INCA1: variants seen among roughly 807,000 people sequenced by gnomAD.
INCA1 encodes protein INCA1.
INCA1 carries 28 observed loss-of-function variants against 25.7 expected under a neutral mutation model. The ratio of observed to expected loss-of-function variants is 1.09; its 90% confidence interval spans 0.81 to 1.49. The LOEUF (loss-of-function observed/expected upper bound fraction) is 1.49. Ranked by LOEUF, INCA1 falls within the 40% of genes most tolerant of loss-of-function variation. The pLI, the probability that INCA1 is intolerant of heterozygous loss-of-function variation, is 0.00. For synonymous variants in INCA1, 111 were observed against 103.6 expected, an observed-to-expected ratio of 1.07 and a Z score of -0.43; for missense variants, 309 against 290.9, an observed-to-expected ratio of 1.06 and a Z score of -0.45.
chr17:4,990,123 A>G (rs1973760150), intron 3 of INCA1, 29 bp downstream of exon 3: 2 of 1,613,752 alleles, frequency 1.2e-6, no homozygotes, highest in Non-Finnish European at 1.7e-6. Context: ...GACCACATCC[A>G]GTTAGTTTCC....
At chr17:4,993,767 C>CTTT (rs934109564) in intron 2 of INCA1, among the ~76,000 whole-genome samples, 47 of 97,308 alleles carry the variant, frequency 4.8e-4, no homozygotes, top group African/African-American at 7.6e-4. Context: ...CGTGCCTGGC[C>CTTT]TTTTTTTTTT....
In INCA1 at chr17:4,992,281, G is replaced by A. The variant is rs569087273; in HGVS notation, c.45-2016C>T. The stretch of plus-strand genomic sequence containing the variant: ...TTTTCCACTGAATAAAATCCAAACC[G>A]TTTTTTTTCTTCTTCTTTTTTGAGA... On this transcript the variant is annotated intron_variant, in intron 2 of 6. Transcript: ENST00000576820. Among the ~76,000 whole-genome samples, 8 of 151,922 alleles carry A rather than the reference G, an allele frequency of 5.3e-5. No homozygotes were observed. The South Asian group carries it at 1.3e-3, about 24-fold the overall frequency.
intron 1 of INCA1, among the ~76,000 whole-genome samples, chr17:4,996,538 C>T (rs1450520010): frequency 6.6e-6 from 1 of 151,146 alleles, no homozygotes; most frequent in Non-Finnish European, 1.5e-5. Flanking sequence ...AAAAATTAGC[C>T]GGGTGTGGTG....
chr17:4,990,477 A>G (rs1332689306), intron 2 of INCA1, among the ~76,000 whole-genome samples: 1 of 152,174 alleles, frequency 6.6e-6, no homozygotes, highest in Non-Finnish European at 1.5e-5. Flanking sequence ...GATTGGCTAT[A>G]GTTTGACCCT....
chr17:4,993,856 C>T (rs1974048520), intron 2 of INCA1, among the ~76,000 whole-genome samples: 1 of 150,494 alleles, frequency 6.6e-6, no homozygotes, highest in Non-Finnish European at 1.5e-5. Flanking sequence ...ACTGCAACCC[C>T]TGCCTCCTGG....
Position 4,988,803 on chromosome 17 carries a change from A to AT in INCA1, c.536_537insA (p.Leu181SerfsTer55). 6.2e-7 allele frequency: 1 copy of AT among 1,614,132 alleles called. No individual in the cohort carries two copies. Among genetic ancestry groups the AT allele is most frequent in the Non-Finnish European group, 8.5e-7 (1 of 1,180,008 alleles). On this transcript the variant is annotated frameshift_variant, in exon 6 of 7. Coordinates refer to ENST00000576820, the Ensembl canonical transcript of INCA1. LOFTEE classifies it low-confidence loss of function (END_TRUNC). ...CCTGGGCCCTGCCAGGAGTGAGAAAACGGTCCTCTTCCTGTGGATAGGTTG... is the reference window on the plus strand; with the variant it reads ...CCTGGGCCCTGCCAGGAGTGAGAAAATCGGTCCTCTTCCTGTGGATAGGTTG...
chr17:4,992,438 T>C (rs1973934930), intron 2 of INCA1, among the ~76,000 whole-genome samples: 1 of 151,646 alleles, frequency 6.6e-6, no homozygotes, highest in Non-Finnish European at 1.5e-5. Context: ...TGTGCCACCA[T>C]GCCTGGCTAA....
At chr17:4,992,287 T>C (rs1296488744) in intron 2 of INCA1, among the ~76,000 whole-genome samples, 2 of 152,282 alleles carry the variant, frequency 1.3e-5, no homozygotes, top group East Asian at 1.9e-4. Flanking sequence ...AACCGTTTTT[T>C]TTCTTCTTCT....
chr17:4,993,515 C>G (rs1222313107), intron 2 of INCA1, among the ~76,000 whole-genome samples: 3 of 151,714 alleles, frequency 2.0e-5, no homozygotes. Context: ...GTCACTCAGG[C>G]TGGAGTGCAG....
In INCA1 at chr17:4,989,489, G is replaced by A. The variant is rs148470772; in HGVS notation, c.334C>T (p.Arg112Trp). ...AGGTGGTAAGTGACAGCCCTCACCC[G>A]GGCGGGGACTCCCCCAAGGCCCTGC... Residue 112 changes from arginine (R) to tryptophan (W), a missense_variant, in exon 5 of 7, where the codon CGG (arginine) becomes TGG (tryptophan). Coordinates refer to ENST00000576820, the Ensembl canonical transcript of INCA1. 1,073 of 1,614,166 alleles carry A rather than the reference G, an allele frequency of 6.6e-4. 3 individuals carry two copies. The highest frequency in any genetic ancestry group is 5.9e-3 in the African/African-American group (444 of 75,046).
chr17:4,994,305 T>C, intron 2 of INCA1, 89 bp downstream of exon 2: 1 of 1,233,388 alleles, frequency 8.1e-7, no homozygotes, highest in East Asian at 2.3e-5. Context: ...TTCCCGTTCT[T>C]TATTTCCTAA....
intron 2 of INCA1, 33 bp from the exon 3 acceptor site, chr17:4,990,298 C>T (rs1356666096): frequency 6.3e-7 from 1 of 1,592,308 alleles, no homozygotes; most frequent in Non-Finnish European, 8.5e-7. Flanking sequence ...TCGGGTCTGG[C>T]TCTTCCCTTA....
chr17:4,989,576 G>A (rs1439773250), exon 5 of INCA1: 4 of 1,614,110 alleles, frequency 2.5e-6, no homozygotes, highest in Non-Finnish European at 3.4e-6. Flanking sequence ...TCAGGGGGTG[G>A]GAGCTGCTCA....
At chr17:4,988,583 A>C in intron 6 of INCA1, 29 bp from the exon 7 acceptor site, 1 of 1,608,168 alleles carries the variant, frequency 6.2e-7, no homozygotes, top group Non-Finnish European at 8.5e-7. Context: ...TTGAAAAAGA[A>C]AATGGAAAAG....
chr17:4,996,925 G>C (rs1295114090), intron 1 of INCA1: 1 of 153,138 alleles, frequency 6.5e-6, no homozygotes, highest in Non-Finnish European at 1.5e-5. Flanking sequence ...TGACTCGGAG[G>C]GGGGTCAGCA....
At chr17:4,988,975 G>T in intron 5 of INCA1, 31 bp from the exon 6 acceptor site, 1 of 1,590,992 alleles carries the variant, frequency 6.3e-7, no homozygotes, top group Non-Finnish European at 8.6e-7. Context: ...GGAGAGAAGT[G>T]CCTGGAGGCC....
At chr17:4,989,983 T>C in intron 3 of INCA1, 54 bp from the exon 4 acceptor site, 3 of 1,612,952 alleles carry the variant, frequency 1.9e-6, no homozygotes, top group Admixed American at 1.7e-5. Flanking sequence ...TCCATCCATA[T>C]TGCTTCTTTA....
chr17:4,989,842 G>A (rs1973723014), intron 4 of INCA1, 48 bp downstream of exon 4: 1 of 1,613,778 alleles, frequency 6.2e-7, no homozygotes, highest in East Asian at 2.2e-5. Flanking sequence ...GACAGCAGTG[G>A]GTGCAATTTT....
chr17:4,994,730 C>T (rs1974113697), intron 1 of INCA1, among the ~76,000 whole-genome samples: 2 of 135,792 alleles, frequency 1.5e-5, no homozygotes, highest in African/African-American at 2.8e-5. Flanking sequence ...GCGGAGGTTG[C>T]AGTGAGCCGA....
Sources: gnomAD v4.1 joint callset for allele counts (sites outside exome capture counted in the v4.1 genomes callset) on GRCh38, gnomAD v4.1.1 for gene constraint, MANE v1.5 for transcripts, NCBI Gene and HGNC (gene_info 2026-07-23, HGNC 2026-07-21) for gene names.